Variants in PCDHGA10 observed in about 807,000 individuals in gnomAD.
The protein encoded by PCDHGA10 is protocadherin gamma subfamily A, 10.
In PCDHGA10, 42 loss-of-function variants were observed where a neutral mutation model predicts 59.5. That is an observed-to-expected ratio of 0.71 (90% CI 0.55 to 0.91). The LOEUF is 0.91. Among genes scored for constraint, PCDHGA10 ranks in the 40% least tolerant of loss-of-function variants. The probability of loss-of-function intolerance (pLI) is 0.00; values close to 1 mark genes in which losing one functional copy is unlikely to be tolerated. For synonymous variants in PCDHGA10, 511 were observed against 517.2 expected (o/e 0.99, Z 0.16); for missense variants, 1,111 against 1,198.2 (o/e 0.93, Z 1.07).
intron 1 of PCDHGA10, chr5:141,422,570 A>G: frequency 6.2e-7 from 1 of 1,614,012 alleles, no homozygotes; most frequent in African/African-American, 1.3e-5. Flanking sequence ...GATGACAACG[A>G]TAACCCTCCC....
At chr5:141,482,530 C>CTAAAAA in intron 1 of PCDHGA10, among the ~76,000 whole-genome samples, 1 of 76,560 alleles carries the variant, frequency 1.3e-5, no homozygotes, top group African/African-American at 4.8e-5. Context: ...GACAGACATG[C>CTAAAAA]AAAAAAAAAA....
rs749121255 is a variant in PCDHGA10 at position 141,415,427 on chromosome 5, G to A, written c.2252G>A (p.Arg751Gln). 3.1e-6 allele frequency: 5 copies of A among 1,614,050 alleles called. No homozygotes were observed. Among genetic ancestry groups the A allele is most frequent in the African/African-American group, 1.3e-5 (1 of 74,926 alleles). ...CACTTTGTGGGCGTGGACGGGGTTC[G>A]GGCTTTCCTGCAGACCTATTCCCAC... is the stretch of plus-strand genomic sequence containing the variant. Reference protein sequence around the residue: ...GSHFVGVDGVRAFLQTYSHEV... With the variant: ...GSHFVGVDGVQAFLQTYSHEV... Residue 751 changes from arginine (R) to glutamine (Q), a missense_variant, in exon 1 of 4, where the codon CGG becomes CAG. Physicochemically the swap from Arg to Gln is conservative, Grantham distance 43. Transcript: ENST00000398610.
chr5:141,508,334 C>T (rs1323577321), intron 3 of PCDHGA10: 2 of 151,150 alleles, frequency 1.3e-5, no homozygotes, highest in African/African-American at 4.9e-5. Flanking sequence ...GGAGAACTGA[C>T]TCTACAGAAA....
intron 1 of PCDHGA10, chr5:141,441,078 G>T (rs1443239760): frequency 2.0e-5 from 3 of 152,140 alleles, no homozygotes; most frequent in Non-Finnish European, 4.4e-5. Context: ...CCATGGTTTT[G>T]GTAGCAAGTG....
intron 1 of PCDHGA10, among the ~76,000 whole-genome samples, chr5:141,438,764 C>A (rs963627140): frequency 6.7e-6 from 1 of 148,638 alleles, no homozygotes; most frequent in Non-Finnish European, 1.5e-5. Flanking sequence ...TGGGTTCAAG[C>A]GATTCTCCTG....
chr5:141,413,371 C>T lies in PCDHGA10; in HGVS notation c.196C>T (p.Arg66Cys), dbSNP rs752898022. 3.7e-6 allele frequency: 6 copies of T among 1,613,966 alleles called. No individual in the cohort carries two copies. In the Admixed American group the frequency reaches 8.3e-5, roughly 22 times the overall value. Residue 66 changes from arginine to cysteine, a missense_variant, in exon 1 of 4, where the codon CGC (arginine) becomes TGC (cysteine). By Grantham distance (180) the Arg-to-Cys change is radical (BLOSUM62 -3). Coordinates refer to ENST00000398610, the MANE Select transcript of PCDHGA10 (RefSeq NM_018913.3). ...LGLAPRELAE[R>C]GVRIVSRGRT... ...TCTGGCGCCCCGGGAGCTGGCGGAG[C>T]GCGGAGTCCGCATAGTCTCCAGAGG...
chr5:141,486,091 G>A lies in PCDHGA10; in HGVS notation c.2437-8716G>A, dbSNP rs2099624256. On this transcript the variant is annotated intron_variant, in intron 1 of 3. Coordinates refer to ENST00000398610, the MANE Select transcript of PCDHGA10 (RefSeq NM_018913.3). This position sits in a 1 kb window ranked among gnomAD's most constrained non-coding sequence, Gnocchi z 5.0. ...CTACTGGAAAGCTTACTCTTTTGGGGCCCCTAGACTTTGAGAGTGAGAATT... is the reference window on the plus strand; with the variant it reads ...CTACTGGAAAGCTTACTCTTTTGGGACCCCTAGACTTTGAGAGTGAGAATT... 2 of 1,614,158 alleles carry A rather than the reference G, an allele frequency of 1.2e-6. No homozygotes were observed. Among genetic ancestry groups the A allele is most frequent in the Non-Finnish European group, 1.7e-6 (2 of 1,180,024 alleles).
chr5:141,445,416 T>C lies in PCDHGA10; in HGVS notation c.2436+29805T>C, dbSNP rs190826518. ...TAACAAATATTTATTAACTGTCTGC[T>C]ATATGCAAGGCACTGACCTATGGAC... On this transcript the variant is annotated intron_variant, in intron 1 of 3. Coordinates refer to ENST00000398610, the MANE Select transcript of PCDHGA10 (RefSeq NM_018913.3). 2.2e-3 allele frequency among the ~76,000 whole-genome samples: 336 copies of C among 152,342 alleles called. 1 individual carries two copies. The highest frequency in any genetic ancestry group is 0.01 in the Middle Eastern group (3 of 294).
intron 1 of PCDHGA10, among the ~76,000 whole-genome samples, chr5:141,483,547 G>A (rs1202182188): frequency 6.6e-6 from 1 of 152,140 alleles, no homozygotes. Context: ...GGTTGACAGT[G>A]CCATTCACAG....
At chr5:141,484,451 T>G (rs2099596635) in intron 1 of PCDHGA10, among the ~76,000 whole-genome samples, 2 of 152,264 alleles carry the variant, frequency 1.3e-5, no homozygotes, top group South Asian at 4.1e-4. Flanking sequence ...TTTAATTGGC[T>G]ACGTTAATGT....
At chr5:141,427,812 G>A (rs1380721111) in intron 1 of PCDHGA10, 1 of 1,524,286 alleles carries the variant, frequency 6.6e-7, no homozygotes, top group African/African-American at 1.4e-5. Context: ...CGCACAGAGC[G>A]GGGTGGTGGT....
chr5:141,491,168 A>G lies in PCDHGA10; in HGVS notation c.2437-3639A>G. On this transcript the variant is annotated intron_variant, in intron 1 of 3. Coordinates refer to ENST00000398610, the MANE Select transcript of PCDHGA10 (RefSeq NM_018913.3). The surrounding 1 kb of genome is among the most constrained non-coding windows in gnomAD (Gnocchi z 6.9). Reference sequence around the variant, plus strand: ...CTGGAGGATGACTCTGACACCCAGCAGGTGGTGGTCCTGGTGAGGGACAAT... The same window carrying G: ...CTGGAGGATGACTCTGACACCCAGCGGGTGGTGGTCCTGGTGAGGGACAAT... 2 of 1,614,160 alleles carry G rather than the reference A, an allele frequency of 1.2e-6. No homozygotes were observed.
chr5:141,414,132 T>A lies in PCDHGA10; in HGVS notation c.957T>A (p.Tyr319Ter). The change falls in exon 1 of 4, where the codon TAT becomes TAA. Residue 319 changes from tyrosine (Y) to a stop codon, truncating the protein, a stop_gained. Transcript: ENST00000398610. LOFTEE classifies it high-confidence loss of function. ...ENLDYEETGF[Y>*]EIEIQAEDGG... The stretch of plus-strand genomic sequence containing the variant: ...TAGATTATGAAGAAACCGGTTTCTA[T>A]GAAATAGAAATACAAGCAGAAGATG... 6.3e-7 allele frequency: 1 copy of A among 1,594,828 alleles called. No individual in the cohort carries two copies. The highest frequency in any genetic ancestry group is 1.1e-5 in the South Asian group (1 of 88,712).
At position 141,432,688 on chromosome 5, in the gene PCDHGA10, A is replaced by G. The variant is rs143889434; in HGVS notation, c.2436+17077A>G. On this transcript the variant is annotated intron_variant, in intron 1 of 3. Coordinates refer to ENST00000398610, the MANE Select transcript of PCDHGA10 (RefSeq NM_018913.3). The surrounding 1 kb of genome is among the most constrained non-coding windows in gnomAD (Gnocchi z 6.0). ...GAGACGCGCTCAAGCAGAGCCTCGT[A>G]GTGGCCGTCCAGGACCACGGCCAGC... 2,218 of 1,613,894 alleles carry G rather than the reference A, an allele frequency of 1.4e-3. 31 individuals are homozygous for G. The African/African-American group carries it at 0.023, about 17-fold the overall frequency.
chr5:141,432,264 C>A lies in PCDHGA10; in HGVS notation c.2436+16653C>A. On this transcript the variant is annotated intron_variant, in intron 1 of 3. Transcript: ENST00000398610. The surrounding 1 kb of genome is among the most constrained non-coding windows in gnomAD (Gnocchi z 6.0). Reference sequence around the variant, plus strand: ...AACACCATCCAAGGGGCAAGCCTATCGTCCTACGTGTCCATCAACTCCGAC... The same window carrying A: ...AACACCATCCAAGGGGCAAGCCTATAGTCCTACGTGTCCATCAACTCCGAC... 5 of 1,614,252 alleles carry A rather than the reference C, an allele frequency of 3.1e-6. No homozygotes were observed. Among genetic ancestry groups the A allele is most frequent in the Non-Finnish European group, 4.2e-6 (5 of 1,180,044 alleles).
Position 141,414,375 on chromosome 5 carries a change from G to C in PCDHGA10, c.1200G>C (p.Lys400Asn). 1 of 1,613,854 alleles carries C rather than the reference G, an allele frequency of 6.2e-7. No homozygotes were observed. The highest frequency in any genetic ancestry group is 8.5e-7 in the Non-Finnish European group (1 of 1,179,884). Reference sequence around the variant, plus strand: ...CGTATCTACCATTTAAATTAGAAAAGTCCATTGACAGTTATTACAGATTGG... The same window carrying C: ...CGTATCTACCATTTAAATTAGAAAACTCCATTGACAGTTATTACAGATTGG... Reference protein sequence around the residue: ...ILAYLPFKLEKSIDSYYRLVI... With the variant: ...ILAYLPFKLENSIDSYYRLVI... The change falls in exon 1 of 4, where the codon AAG becomes AAC. Residue 400 changes from lysine to asparagine, a missense_variant. By Grantham distance (94) the Lys-to-Asn change is moderately conservative. Transcript: ENST00000398610.
chr5:141,435,929 G>A (rs926025053), intron 1 of PCDHGA10, among the ~76,000 whole-genome samples: 10 of 152,134 alleles, frequency 6.6e-5, no homozygotes, highest in African/African-American at 2.4e-4. Flanking sequence ...TGCGGCAGTT[G>A]CTGCTTCTGA....
chr5:141,445,048 A>G (rs1364884310), intron 1 of PCDHGA10, among the ~76,000 whole-genome samples: 4 of 152,234 alleles, frequency 2.6e-5, no homozygotes, highest in Non-Finnish European at 5.9e-5. Flanking sequence ...TTTTCAGTGT[A>G]GAGAGGTCAT....
At chr5:141,494,654 G>A in intron 1 of PCDHGA10, 153 bp from the exon 2 acceptor site, 1 of 966,640 alleles carries the variant, frequency 1.0e-6, no homozygotes, top group South Asian at 4.8e-5. Context: ...GGTGTATTTT[G>A]TCTTTGGAGA....
Sources: gnomAD v4.1 joint callset for allele counts (sites outside exome capture counted in the v4.1 genomes callset) on GRCh38, gnomAD v4.1.1 for gene constraint, Gnocchi (gnomAD v3.1) non-coding constraint, MANE v1.5 for transcripts, NCBI Gene and HGNC (gene_info 2026-07-23, HGNC 2026-07-21) for gene names.